Variants in TNIK observed in about 807,000 individuals in gnomAD.
TNIK encodes the protein TRAF2 and NCK-interacting protein kinase.
In TNIK, 49 loss-of-function variants were observed where a neutral mutation model predicts 191.3. The ratio of observed to expected loss-of-function variants is 0.26; its 90% CI spans 0.20 to 0.32. TNIK has a LOEUF of 0.32. TNIK is among the 10% of genes least tolerant of loss of function. The pLI is 1.00. For synonymous variants in TNIK, 594 were observed against 600.9 expected (o/e 0.99, Z 0.17); for missense variants, 1,155 against 1,702.3 (o/e 0.68, Z 5.66).
At chr3:171,319,400 A>G (rs1476203245) in intron 2 of TNIK, among the ~76,000 whole-genome samples, 1 of 152,186 alleles carries the variant, frequency 6.6e-6, no homozygotes, top group African/African-American at 2.4e-5. Flanking sequence ...AAAATTACAA[A>G]GAGTGTTTTT....
At chr3:171,173,266 G>T (rs1465979012) in intron 9 of TNIK, among the ~76,000 whole-genome samples, 2 of 151,550 alleles carry the variant, frequency 1.3e-5, no homozygotes, top group Non-Finnish European at 2.9e-5. Context: ...CATGGTGGCG[G>T]GCGCCTGTAG....
intron 1 of TNIK, among the ~76,000 whole-genome samples, chr3:171,436,439 T>C (rs946648182): frequency 2.0e-5 from 3 of 152,236 alleles, no homozygotes; most frequent in African/African-American, 7.2e-5. Flanking sequence ...GTCTTTTTAA[T>C]TCCAGCAATA....
intron 2 of TNIK, among the ~76,000 whole-genome samples, chr3:171,237,799 G>A (rs1744477209): frequency 6.6e-6 from 1 of 152,088 alleles, no homozygotes; most frequent in Admixed American, 6.5e-5. Flanking sequence ...GCATGCACCT[G>A]TAGTCCCAGC....
At chr3:171,178,772 T>C (rs1431398407) in intron 7 of TNIK, among the ~76,000 whole-genome samples, 1 of 152,248 alleles carries the variant, frequency 6.6e-6, no homozygotes, top group Non-Finnish European at 1.5e-5. Context: ...TCATGCATTT[T>C]GTACATTTTT....
chr3:171,077,079 C>CA (rs1402638740), intron 28 of TNIK, among the ~76,000 whole-genome samples: 2 of 144,342 alleles, frequency 1.4e-5, no homozygotes, highest in Admixed American at 7.0e-5. Flanking sequence ...GTTCCCCCCC[C>CA]CCTTTTTTTT....
At chr3:171,201,961 A>G (rs1048712458) in intron 4 of TNIK, among the ~76,000 whole-genome samples, 1 of 152,190 alleles carries the variant, frequency 6.6e-6, no homozygotes, top group Non-Finnish European at 1.5e-5. Flanking sequence ...TGGATAGTGA[A>G]CAACTCTCTA....
intron 1 of TNIK, among the ~76,000 whole-genome samples, chr3:171,459,752 C>T (rs946083084): frequency 1.3e-5 from 2 of 151,738 alleles, no homozygotes; most frequent in African/African-American, 4.8e-5. Flanking sequence ...TAAGATGAAA[C>T]TGGCATAAGC....
At chr3:171,416,413 G>A (rs773185999) in intron 1 of TNIK, among the ~76,000 whole-genome samples, 4 of 151,720 alleles carry the variant, frequency 2.6e-5, no homozygotes, top group East Asian at 3.9e-4. Flanking sequence ...TGTTAGTATC[G>A]GGAAGAACAA....
intron 2 of TNIK, among the ~76,000 whole-genome samples, chr3:171,315,521 A>G (rs1754509698): frequency 6.6e-6 from 1 of 152,152 alleles, no homozygotes; most frequent in Non-Finnish European, 1.5e-5. Flanking sequence ...CGGAGCTGCC[A>G]TAATAAACTA....
intron 7 of TNIK, among the ~76,000 whole-genome samples, chr3:171,188,346 A>G (rs1297383836): frequency 6.6e-6 from 1 of 152,234 alleles, no homozygotes; most frequent in Non-Finnish European, 1.5e-5. Flanking sequence ...CTCACATCTT[A>G]GTTTAACGTA....
chr3:171,338,799 G>A (rs761334704), intron 2 of TNIK, among the ~76,000 whole-genome samples: 3 of 151,888 alleles, frequency 2.0e-5, no homozygotes, highest in Admixed American at 6.6e-5. Flanking sequence ...CACCATGCCC[G>A]GCCCTAAGTG....
At chr3:171,139,368 A>G in intron 14 of TNIK, 102 bp downstream of exon 14, 4 of 889,198 alleles carry the variant, frequency 4.5e-6, no homozygotes, top group Non-Finnish European at 6.9e-6. Context: ...AGAAGGACAC[A>G]CGCACGCGCG....
At chr3:171,243,974 A>G (rs1476095395) in intron 2 of TNIK, among the ~76,000 whole-genome samples, 1 of 151,936 alleles carries the variant, frequency 6.6e-6, no homozygotes, top group East Asian at 1.9e-4. Flanking sequence ...TCCTTAATTT[A>G]CTTTGTAAGG....
chr3:171,091,855 C>G (rs1029524328), intron 23 of TNIK, among the ~76,000 whole-genome samples: 1 of 152,014 alleles, frequency 6.6e-6, no homozygotes. Context: ...TTGAGGAAGG[C>G]AGAATTGGAA....
chr3:171,168,032 T>G (rs143789708), intron 9 of TNIK, among the ~76,000 whole-genome samples: 2 of 152,330 alleles, frequency 1.3e-5, no homozygotes, highest in East Asian at 3.9e-4. Context: ...AAAGGCAATA[T>G]TTCCTCAAAG....
intron 2 of TNIK, among the ~76,000 whole-genome samples, chr3:171,297,186 G>A (rs1173434251): frequency 1.3e-5 from 2 of 152,134 alleles, no homozygotes; most frequent in Admixed American, 6.5e-5. Context: ...GGGGCGGAAG[G>A]AAGAGAAGAC....
At chr3:171,180,066 T>G (rs1001487219) in intron 7 of TNIK, among the ~76,000 whole-genome samples, 4 of 152,184 alleles carry the variant, frequency 2.6e-5, no homozygotes, top group Non-Finnish European at 5.9e-5. Context: ...TTAAATGGCT[T>G]TCAAGTCCAG....
intron 12 of TNIK, among the ~76,000 whole-genome samples, chr3:171,154,389 C>T (rs1732900121): frequency 6.6e-6 from 1 of 152,038 alleles, no homozygotes; most frequent in African/African-American, 2.4e-5. Context: ...TGTTGGTGTC[C>T]TGAAAGAGTC....
rs139396671 is a variant in TNIK, at chr3:171,451,751, C to T, written c.57+8256G>A. The stretch of plus-strand genomic sequence containing the variant: ...TCCAACCATGGGTGTAGAAACCATG[C>T]CAATGTTGTCTTCAGCTCAGCCCCA... On this transcript the variant is annotated intron_variant, in intron 1 of 32. Transcript: ENST00000436636. Among the ~76,000 whole-genome samples, 4 of 152,248 alleles carry T rather than the reference C, an allele frequency of 2.6e-5. No individual in the cohort carries two copies. The East Asian group carries it at 5.8e-4, about 22-fold the overall frequency.
Sources: allele counts gnomAD v4.1 joint callset (sites outside exome capture counted in the v4.1 genomes callset), GRCh38; gene constraint gnomAD v4.1.1; transcripts MANE v1.5; gene names NCBI Gene and HGNC (gene_info 2026-07-23, HGNC 2026-07-21).